ORC3: variants seen among roughly 807,000 people sequenced by gnomAD.
ORC3 encodes homolog of latheo, Drosophila.
Under a neutral mutation model 100.7 loss-of-function variants are expected in ORC3, and 78 were observed. The observed-to-expected ratio is 0.77, with a 90% CI of 0.65 to 0.94. ORC3 has a LOEUF of 0.94. ORC3 is among the 40% of genes least tolerant of loss of function. The pLI, the probability that ORC3 is intolerant of heterozygous loss-of-function variation, is 0.00. For synonymous variants in ORC3, 295 were observed against 289.3 expected (o/e 1.02, Z -0.20); for missense variants, 789 against 823.9 (o/e 0.96, Z 0.52).
intron 2 of ORC3, among the ~76,000 whole-genome samples, chr6:87,600,309 T>A (rs1230768209): frequency 6.6e-6 from 1 of 152,118 alleles, no homozygotes; most frequent in African/African-American, 2.4e-5. Context: ...TAGAAAACTA[T>A]AAGGAATCTA....
At chr6:87,606,210 G>A (rs556872103) in intron 5 of ORC3, among the ~76,000 whole-genome samples, 189 bp downstream of exon 5, 63 of 152,200 alleles carry the variant, frequency 4.1e-4, no homozygotes, top group African/African-American at 1.5e-3. Context: ...TTCTTTTGCT[G>A]TCTTTGTTCT....
At chr6:87,657,048 G>C (rs1255625549) in intron 15 of ORC3, 66 bp downstream of exon 15, 1 of 1,071,352 alleles carries the variant, frequency 9.3e-7, no homozygotes, top group African/African-American at 1.5e-5. Flanking sequence ...TTGTGCTCTA[G>C]ATTAACTCTG....
chr6:87,671,748 T>G (rs1770837543), downstream of ORC3, among the ~76,000 whole-genome samples: 3 of 152,254 alleles, frequency 2.0e-5, no homozygotes, highest in South Asian at 6.2e-4. Flanking sequence ...TGATTAGATT[T>G]AACAATGTGG....
At chr6:87,617,806 A>G (rs1485065689) in intron 9 of ORC3, among the ~76,000 whole-genome samples, 1 of 152,206 alleles carries the variant, frequency 6.6e-6, no homozygotes, top group Non-Finnish European at 1.5e-5. Context: ...CAAAAATTCA[A>G]TTTGATAATA....
chr6:87,645,899 A>G (rs1562368952), intron 13 of ORC3, among the ~76,000 whole-genome samples: 1 of 151,826 alleles, frequency 6.6e-6, no homozygotes, highest in African/African-American at 2.4e-5. Context: ...GTGACAGATT[A>G]CCTATAAAGC....
At chr6:87,623,322 A>C (rs1254905183) in intron 11 of ORC3, among the ~76,000 whole-genome samples, 1 of 152,220 alleles carries the variant, frequency 6.6e-6, no homozygotes, top group African/African-American at 2.4e-5. Flanking sequence ...ATGCCTTCAG[A>C]GCAGTATAGG....
rs747233679 is a variant in ORC3 at position 87,662,996 on chromosome 6, G to A, written c.1692-7G>A. On this transcript the variant is annotated splice_region_variant and splice_polypyrimidine_tract_variant and intron_variant, in intron 16 of 19. Transcript: ENST00000392844. ...TCTAAACATGGATGCCTGACTGGCT[G>A]TTTCAGAGAATACCTTCTGCCTCCT... 4 of 1,592,950 alleles carry A rather than the reference G, an allele frequency of 2.5e-6. No individual in the cohort carries two copies. The highest frequency in any genetic ancestry group is 3.4e-6 in the Non-Finnish European group (4 of 1,166,456).
At chr6:87,634,006 G>T (rs377041907) in intron 11 of ORC3, among the ~76,000 whole-genome samples, 2 of 151,766 alleles carry the variant, frequency 1.3e-5, no homozygotes, top group East Asian at 3.9e-4. Flanking sequence ...GCTAGTTTTC[G>T]GTTGTGGGTT....
At position 87,664,735 on chromosome 6, in the gene ORC3, A is replaced by G; in HGVS notation, c.1834-8A>G. 1.2e-6 allele frequency: 2 copies of G among 1,607,106 alleles called. No individual in the cohort carries two copies. Among genetic ancestry groups the G allele is most frequent in the Non-Finnish European group, 1.7e-6 (2 of 1,173,670 alleles). ...AGTTAGTCATCTTAGTTTACTGTTA[A>G]TTGTTAGAATGAAGCACTGAAAAGC... On this transcript the variant is annotated splice_region_variant and splice_polypyrimidine_tract_variant and intron_variant, in intron 17 of 19. Coordinates refer to ENST00000392844, the MANE Select transcript of ORC3 (RefSeq NM_012381.4).
intron 13 of ORC3, among the ~76,000 whole-genome samples, chr6:87,645,641 C>G (rs1447087014): frequency 6.6e-6 from 1 of 152,146 alleles, no homozygotes; most frequent in Admixed American, 6.5e-5. Flanking sequence ...GAAAACTCGT[C>G]AGGCAAAAGA....
At chr6:87,596,718 C>A (rs1388554526) in intron 2 of ORC3, among the ~76,000 whole-genome samples, 4 of 152,034 alleles carry the variant, frequency 2.6e-5, no homozygotes, top group Non-Finnish European at 5.9e-5. Flanking sequence ...TATCCTGATA[C>A]CTGTTTAGTG....
At chr6:87,646,283 G>T (rs1220540609) in intron 13 of ORC3, among the ~76,000 whole-genome samples, 1 of 152,090 alleles carries the variant, frequency 6.6e-6, no homozygotes, top group Non-Finnish European at 1.5e-5. Flanking sequence ...ACCGTGCTCT[G>T]CCAATTGTGA....
chr6:87,602,303 G>A (rs1303009490), intron 3 of ORC3, among the ~76,000 whole-genome samples: 1 of 152,156 alleles, frequency 6.6e-6, no homozygotes, highest in Non-Finnish European at 1.5e-5. Flanking sequence ...TTAAGGCAAG[G>A]AGCTTTCAAA....
intron 13 of ORC3, among the ~76,000 whole-genome samples, chr6:87,646,004 T>TTC (rs1554251608): frequency 6.7e-6 from 1 of 149,728 alleles, no homozygotes; most frequent in African/African-American, 2.5e-5. Context: ...TCTTTTTTTT[T>TTC]GAGGCGGAGT....
At chr6:87,638,696 TGAAATGG>T (rs1333225823) in intron 13 of ORC3, among the ~76,000 whole-genome samples, 5 of 152,164 alleles carry the variant, frequency 3.3e-5, no homozygotes, top group Non-Finnish European at 7.4e-5. Context: ...CCTGACCTCA[TGAAATGG>T]GTTGCAGCAA....
intron 11 of ORC3, among the ~76,000 whole-genome samples, chr6:87,623,925 T>A (rs772760019): frequency 2.6e-5 from 4 of 152,048 alleles, no homozygotes; most frequent in Non-Finnish European, 5.9e-5. Flanking sequence ...GAGCCTGACA[T>A]TTATGTCTGC....
intron 11 of ORC3, among the ~76,000 whole-genome samples, chr6:87,623,302 A>G (rs1179555308): frequency 6.6e-6 from 1 of 152,230 alleles, no homozygotes; most frequent in Non-Finnish European, 1.5e-5. Flanking sequence ...TCATTTTAGT[A>G]ATCTCTGTAA....
chr6:87,637,700 G>A (rs1257440928), intron 13 of ORC3, among the ~76,000 whole-genome samples: 1 of 152,174 alleles, frequency 6.6e-6, no homozygotes, highest in African/African-American at 2.4e-5. Flanking sequence ...TTGTCAAAGA[G>A]GAACTTGTTC....
At chr6:87,613,736 G>A (rs947403024) in intron 8 of ORC3, among the ~76,000 whole-genome samples, 1 of 152,226 alleles carries the variant, frequency 6.6e-6, no homozygotes, top group African/African-American at 2.4e-5. Flanking sequence ...CAGCGAGGTA[G>A]TCAAGTCTTA....
Sources: allele counts gnomAD v4.1 joint callset (sites outside exome capture counted in the v4.1 genomes callset), GRCh38; gene constraint gnomAD v4.1.1; transcripts MANE v1.5; gene names NCBI Gene and HGNC (gene_info 2026-07-23, HGNC 2026-07-21).